ANKS1B: variants seen among roughly 807,000 people sequenced by gnomAD.
ANKS1B encodes the protein ankyrin repeat and sterile alpha motif domain containing 1B.
ANKS1B carries 36 observed loss-of-function variants against 148.3 expected under a neutral mutation model. The ratio of observed to expected loss-of-function variants is 0.24; its 90% CI spans 0.19 to 0.32. The LOEUF is 0.32. Ranked by LOEUF, ANKS1B falls within the 10% of genes least tolerant of loss-of-function variation. ANKS1B has a pLI of 1.00. For synonymous variants in ANKS1B, 542 were observed against 560.8 expected (o/e 0.97, Z 0.47); for missense variants, 1,157 against 1,542.6 (o/e 0.75, Z 4.19).
intron 9 of ANKS1B, among the ~76,000 whole-genome samples, chr12:99,563,504 A>C (rs1255900863): frequency 1.3e-5 from 2 of 152,162 alleles, no homozygotes; most frequent in African/African-American, 2.4e-5. Context: ...TGGAGCAGTC[A>C]GAAAACACAC....
intron 1 of ANKS1B, among the ~76,000 whole-genome samples, chr12:99,946,950 A>G (rs1293454245): frequency 6.6e-6 from 1 of 152,076 alleles, no homozygotes; most frequent in African/African-American, 2.4e-5. Flanking sequence ...TGTTTTTAAG[A>G]CAGCAAGTTT....
At chr12:98,951,596 T>A (rs993218440) in intron 17 of ANKS1B, among the ~76,000 whole-genome samples, 6 of 152,106 alleles carry the variant, frequency 3.9e-5, no homozygotes, top group African/African-American at 1.2e-4. Context: ...TCTGACTACC[T>A]CCTGCTGCTC....
At chr12:99,357,576 A>C (rs556808258) in intron 12 of ANKS1B, among the ~76,000 whole-genome samples, 1 of 152,288 alleles carries the variant, frequency 6.6e-6, no homozygotes, top group African/African-American at 2.4e-5. Context: ...AAGCTATTTA[A>C]GTATTAGTAT....
chr12:99,552,204 A>T (rs905336007), intron 9 of ANKS1B, among the ~76,000 whole-genome samples: 2 of 152,162 alleles, frequency 1.3e-5, no homozygotes, highest in Non-Finnish European at 2.9e-5. Context: ...ACTGATCACA[A>T]TTATAATGAA....
intron 9 of ANKS1B, among the ~76,000 whole-genome samples, chr12:99,559,989 T>G (rs532945046): frequency 6.6e-6 from 1 of 152,294 alleles, no homozygotes; most frequent in African/African-American, 2.4e-5. Flanking sequence ...CTCGGTCAAG[T>G]GTTTCAGTAC....
At chr12:99,495,523 CTCTT>C (rs1431139968) in intron 10 of ANKS1B, among the ~76,000 whole-genome samples, 1 of 152,176 alleles carries the variant, frequency 6.6e-6, no homozygotes, top group Non-Finnish European at 1.5e-5. Context: ...CTTGATTTCT[CTCTT>C]TGCCCATCCA....
intron 17 of ANKS1B, among the ~76,000 whole-genome samples, chr12:98,855,342 C>T (rs2099560304): frequency 1.3e-5 from 2 of 152,146 alleles, no homozygotes; most frequent in African/African-American, 2.4e-5. Context: ...ATTTAGAGGG[C>T]CAAAACCTGT....
At chr12:99,386,947 T>C (rs2093883676) in intron 12 of ANKS1B, among the ~76,000 whole-genome samples, 1 of 152,190 alleles carries the variant, frequency 6.6e-6, no homozygotes, top group Non-Finnish European at 1.5e-5. Flanking sequence ...AAGCAAATAT[T>C]CTTTCAGTGA....
At chr12:99,066,430 A>G (rs1203563530) in intron 16 of ANKS1B, among the ~76,000 whole-genome samples, 1 of 152,246 alleles carries the variant, frequency 6.6e-6, no homozygotes, top group East Asian at 1.9e-4. Context: ...AGGGTCCAGC[A>G]TATGTTCAAG....
chr12:99,049,308 A>G (rs2099964425), intron 17 of ANKS1B, among the ~76,000 whole-genome samples: 1 of 151,020 alleles, frequency 6.6e-6, no homozygotes, highest in Non-Finnish European at 1.5e-5. Flanking sequence ...GTACACACGC[A>G]CACACACACA....
chr12:99,336,033 T>C (rs1262858905), intron 12 of ANKS1B, among the ~76,000 whole-genome samples: 1 of 152,150 alleles, frequency 6.6e-6, no homozygotes, highest in Non-Finnish European at 1.5e-5. Context: ...TCACTATTAT[T>C]GCCTGTCTTT....
At chr12:98,979,853 C>A (rs936161470) in intron 17 of ANKS1B, among the ~76,000 whole-genome samples, 3 of 151,830 alleles carry the variant, frequency 2.0e-5, no homozygotes, top group Non-Finnish European at 2.9e-5. Context: ...AGATATTATC[C>A]CCCATCCATT....
At chr12:98,794,143 G>A (rs751926168) in intron 22 of ANKS1B, among the ~76,000 whole-genome samples, 5 of 152,102 alleles carry the variant, frequency 3.3e-5, no homozygotes, top group Non-Finnish European at 7.4e-5. Flanking sequence ...TGTAATCCCA[G>A]CACTTTGGGA....
intron 9 of ANKS1B, among the ~76,000 whole-genome samples, chr12:99,577,096 C>T (rs1395543812): frequency 6.6e-6 from 1 of 151,678 alleles, no homozygotes; most frequent in African/African-American, 2.4e-5. Context: ...TTTAAAAAAG[C>T]AGCAGAAAAT....
intron 12 of ANKS1B, among the ~76,000 whole-genome samples, chr12:99,328,019 A>T (rs2086813484): frequency 6.6e-6 from 1 of 152,022 alleles, no homozygotes; most frequent in Non-Finnish European, 1.5e-5. Context: ...GGGAAAATGA[A>T]GAACATCATA....
chr12:99,037,435 G>T (rs2153478596), intron 17 of ANKS1B, among the ~76,000 whole-genome samples: 1 of 152,046 alleles, frequency 6.6e-6, no homozygotes, highest in East Asian at 1.9e-4. Context: ...AACCTGGGAG[G>T]CAGAGGTTGC....
intron 1 of ANKS1B, among the ~76,000 whole-genome samples, chr12:99,983,039 G>A (rs2095728536): frequency 6.6e-6 from 1 of 152,160 alleles, no homozygotes; most frequent in Non-Finnish European, 1.5e-5. Flanking sequence ...GCATGGAACA[G>A]TTTTTAAAAA....
At chr12:99,098,692 T>C (rs2057059828) in intron 15 of ANKS1B, among the ~76,000 whole-genome samples, 1 of 145,184 alleles carries the variant, frequency 6.9e-6, no homozygotes, top group Non-Finnish European at 1.5e-5. Context: ...TCTAGTTTCA[T>C]GTTGTTTTTG....
At chr12:99,109,301 T>A (rs2059828637) in intron 15 of ANKS1B, among the ~76,000 whole-genome samples, 1 of 152,220 alleles carries the variant, frequency 6.6e-6, no homozygotes, top group South Asian at 2.1e-4. Flanking sequence ...TGGCTACTAG[T>A]TACCTTGCCT....
Sources: gnomAD v4.1 joint callset for allele counts (sites outside exome capture counted in the v4.1 genomes callset) on GRCh38, gnomAD v4.1.1 for gene constraint, MANE v1.5 for transcripts, NCBI Gene and HGNC (gene_info 2026-07-23, HGNC 2026-07-21) for gene names.